Variants in MON2 observed in about 807,000 individuals in gnomAD.
The protein encoded by MON2 is MON2 regulator of endosome-to-Golgi trafficking.
A neutral mutation model predicts 208.6 loss-of-function variants in MON2; 84 were observed. The observed-to-expected ratio is 0.40, with a 90% CI of 0.34 to 0.48. MON2 has a LOEUF of 0.48. Among genes scored for constraint, MON2 ranks in the 20% least tolerant of loss-of-function variants. MON2 has a pLI of 0.59. For missense variants in MON2, 1,611 were observed against 2,015.4 expected (o/e 0.80, Z 3.84); for synonymous variants, 660 against 694.0 (o/e 0.95, Z 0.77).
At chr12:62,565,815 A>G in intron 27 of MON2, 199 bp from the exon 28 acceptor site, 1 of 530,592 alleles carries the variant, frequency 1.9e-6, no homozygotes, top group Admixed American at 3.6e-5. Context: ...TGTGAAGTTT[A>G]GTTGGATTTT....
Position 62,578,487 on chromosome 12 carries a change from T to C in MON2, c.4557T>C (p.Asn1519=). Residue 1519 remains asparagine (N), a synonymous_variant, in exon 31 of 35, where the codon AAT becomes AAC. Transcript: ENST00000393630. ...DNLSIQEFQR[N]ENIDVEVVQL... is the part of the protein sequence containing the mutation. ...TCTCTATTCAAGAGTTTCAAAGAAA[T>C]GAAAATATTGATGTCGAGGTAAGGA... 1 of 1,499,590 alleles carries C rather than the reference T, an allele frequency of 6.7e-7. No homozygotes were observed. Among genetic ancestry groups the C allele is most frequent in the Admixed American group, 2.0e-5 (1 of 50,800 alleles). 92.9% of individuals were successfully genotyped at this position (1,499,590 alleles called of 1,614,324 possible).
At chr12:62,519,698 C>T (rs982638727) in intron 8 of MON2, among the ~76,000 whole-genome samples, 1 of 152,118 alleles carries the variant, frequency 6.6e-6, no homozygotes, top group African/African-American at 2.4e-5. Flanking sequence ...TGACACATAA[C>T]GATGAAAATC....
At chr12:62,535,020 T>C in intron 13 of MON2, 94 bp downstream of exon 13, 1 of 928,126 alleles carries the variant, frequency 1.1e-6, no homozygotes, top group East Asian at 2.6e-5. Context: ...AATTATTTTC[T>C]AATATTAGTT....
intron 8 of MON2, among the ~76,000 whole-genome samples, chr12:62,516,323 G>A (rs2071687234): frequency 6.6e-6 from 1 of 152,028 alleles, no homozygotes; most frequent in African/African-American, 2.4e-5. Flanking sequence ...TGGTTAATGG[G>A]TACAAAAATA....
At chr12:62,496,504 G>A (rs541582441) in intron 4 of MON2, among the ~76,000 whole-genome samples, 6 of 152,222 alleles carry the variant, frequency 3.9e-5, no homozygotes, top group Non-Finnish European at 5.9e-5. Context: ...CGATATCAAA[G>A]GCTTGTGTCT....
At chr12:62,470,799 A>G (rs1452003302) in intron 1 of MON2, 1 of 993,592 alleles carries the variant, frequency 1.0e-6, no homozygotes, top group South Asian at 3.3e-5. Context: ...CATGTAAAAT[A>G]AATTTTATAC....
chr12:62,488,101 A>G (rs1328507032), intron 2 of MON2, among the ~76,000 whole-genome samples: 1 of 152,164 alleles, frequency 6.6e-6, no homozygotes, highest in Non-Finnish European at 1.5e-5. Context: ...TGCCTCTAGT[A>G]TGTTTTTCTA....
chr12:62,501,948 G>A (rs905112996), intron 7 of MON2, among the ~76,000 whole-genome samples: 5 of 151,994 alleles, frequency 3.3e-5, no homozygotes, highest in Non-Finnish European at 5.9e-5. Context: ...AAGGCTGGGC[G>A]CGGTGGCTCA....
chr12:62,486,512 G>T (rs1484730800), intron 2 of MON2, among the ~76,000 whole-genome samples: 1 of 152,024 alleles, frequency 6.6e-6, no homozygotes, highest in Non-Finnish European at 1.5e-5. Flanking sequence ...ACTTGAGGAG[G>T]TATATTTGCA....
In MON2 at chr12:62,491,068, C is replaced by T. The variant is rs1055225551; in HGVS notation, c.176-2847C>T. Among the ~76,000 whole-genome samples the T allele has an allele frequency of 3.5e-4, 54 of 152,222 alleles. No individual in the cohort carries two copies. In the Middle Eastern group the frequency reaches 0.01, roughly 29 times the overall value. ...TTTTCAATATGTGCATGAACTTGTTCATGGTTCTTCATGTTATTATCACAT... is the reference window on the plus strand; with the variant it reads ...TTTTCAATATGTGCATGAACTTGTTTATGGTTCTTCATGTTATTATCACAT... On this transcript the variant is annotated intron_variant, in intron 2 of 34. Coordinates refer to ENST00000393630, the MANE Select transcript of MON2 (RefSeq NM_015026.3).
intron 19 of MON2, among the ~76,000 whole-genome samples, chr12:62,539,095 T>C (rs1211296838): frequency 6.6e-6 from 1 of 152,186 alleles, no homozygotes; most frequent in African/African-American, 2.4e-5. Flanking sequence ...GTTGTATTTA[T>C]TTATATGTTA....
chr12:62,561,314 T>A (rs2074189489), intron 26 of MON2, among the ~76,000 whole-genome samples: 3 of 152,200 alleles, frequency 2.0e-5, no homozygotes, highest in Admixed American at 2.0e-4. Flanking sequence ...AATTCATGTA[T>A]GTTTTGAATC....
At chr12:62,529,047 C>T (rs1186640557) in intron 11 of MON2, among the ~76,000 whole-genome samples, 2 of 152,144 alleles carry the variant, frequency 1.3e-5, no homozygotes, top group Non-Finnish European at 2.9e-5. Context: ...CTGGTATTTC[C>T]TTCTTTGTGT....
chr12:62,580,314 C>T lies in MON2; in HGVS notation c.4593C>T (p.Ser1531=), dbSNP rs2074958015. 6.2e-7 allele frequency: 1 copy of T among 1,610,504 alleles called. No individual in the cohort carries two copies. Among genetic ancestry groups the T allele is most frequent in the Non-Finnish European group, 8.5e-7 (1 of 1,177,896 alleles). ...NIDVEVVQLI[S]NEILPYANFI... ...TGTTTTAGGTAGTTCAACTTATCAGCAATGAGATACTACCTTATGCCAATT... is the reference window on the plus strand; with the variant it reads ...TGTTTTAGGTAGTTCAACTTATCAGTAATGAGATACTACCTTATGCCAATT... Residue 1531 remains serine (S), a synonymous_variant, in exon 32 of 35, where the codon AGC becomes AGT. Coordinates refer to ENST00000393630, the MANE Select transcript of MON2 (RefSeq NM_015026.3).
chr12:62,523,392 A>G (rs1283796465), intron 8 of MON2, among the ~76,000 whole-genome samples: 1 of 152,178 alleles, frequency 6.6e-6, no homozygotes, highest in East Asian at 1.9e-4. Context: ...AGGTTGCTGG[A>G]TAAAGAAGTT....
At chr12:62,503,705 C>A (rs750952071) in intron 7 of MON2, among the ~76,000 whole-genome samples, 1 of 152,156 alleles carries the variant, frequency 6.6e-6, no homozygotes, top group African/African-American at 2.4e-5. Flanking sequence ...GCCACACTGT[C>A]CTTCTTGTTG....
chr12:62,583,299 T>C (rs1319549008), intron 32 of MON2, among the ~76,000 whole-genome samples: 1 of 151,858 alleles, frequency 6.6e-6, no homozygotes, highest in Non-Finnish European at 1.5e-5. Flanking sequence ...ACCACTGCAC[T>C]CCAGCCTAGG....
At chr12:62,569,805 GAT>G (rs2074519080) in intron 29 of MON2, among the ~76,000 whole-genome samples, 1 of 152,112 alleles carries the variant, frequency 6.6e-6, no homozygotes, top group African/African-American at 2.4e-5. Context: ...AGGGGAAGGG[GAT>G]AAATAGATTC....
intron 8 of MON2, among the ~76,000 whole-genome samples, chr12:62,510,834 G>C (rs898972500): frequency 7.9e-5 from 12 of 152,122 alleles, no homozygotes; most frequent in Non-Finnish European, 1.3e-4. Flanking sequence ...ATCCACATTG[G>C]AAAGGAAGAA....
Sources: allele counts gnomAD v4.1 joint callset (sites outside exome capture counted in the v4.1 genomes callset), GRCh38; gene constraint gnomAD v4.1.1; transcripts MANE v1.5; gene names NCBI Gene and HGNC (gene_info 2026-07-23, HGNC 2026-07-21).